VWF: variants seen among roughly 807,000 people sequenced by gnomAD.
VWF encodes Factor VIII related antigen.
A neutral mutation model predicts 308.6 loss-of-function variants in VWF; 176 were observed. The observed-to-expected ratio is 0.57, with a 90% CI of 0.50 to 0.65. VWF has a LOEUF of 0.65. Ranked by LOEUF, VWF falls within the 30% of genes least tolerant of loss-of-function variation. The pLI, the probability that VWF is intolerant of heterozygous loss-of-function variation, is 0.00. For missense variants in VWF, 3,146 were observed against 3,648.2 expected, an observed-to-expected ratio of 0.86 and a Z score of 3.55; for synonymous variants, 1,385 against 1,443.4, an observed-to-expected ratio of 0.96 and a Z score of 0.92.
chr12:6,118,677 G>A (rs986999780), intron 3 of VWF, among the ~76,000 whole-genome samples: 3 of 152,018 alleles, frequency 2.0e-5, no homozygotes, highest in Non-Finnish European at 4.4e-5. Context: ...ATGAGCCATT[G>A]CACCCGTGCA....
In VWF at chr12:6,019,175, C is replaced by A. The variant is rs1400741237; in HGVS notation, c.4243G>T (p.Gly1415Cys). Residue 1415 changes from glycine to cysteine, a missense_variant, in exon 28 of 52, where the codon GGC becomes TGC. Physicochemically the swap from Gly to Cys is radical, Grantham distance 159. Transcript: ENST00000261405. This position sits in a 1 kb window ranked among gnomAD's most constrained non-coding sequence, Gnocchi z 5.8. ...TTGAGGTTGGCATGGGGCCCAATGC[C>A]CACCGGGATCACAATGACCTTCTTC... Reference protein sequence around the residue: ...KKKKVIVIPVGIGPHANLKQI... With the variant: ...KKKKVIVIPVCIGPHANLKQI... 35 of 1,613,844 alleles carry A rather than the reference C, an allele frequency of 2.2e-5. No individual in the cohort carries two copies. The highest frequency in any genetic ancestry group is 2.7e-5 in the African/African-American group (2 of 74,900).
intron 5 of VWF, among the ~76,000 whole-genome samples, chr12:6,106,139 A>C (rs1463590773): frequency 6.6e-6 from 1 of 152,240 alleles, no homozygotes; most frequent in African/African-American, 2.4e-5. Context: ...ACGTGGAAGC[A>C]ATCTAAGTGT....
intron 47 of VWF, among the ~76,000 whole-genome samples, chr12:5,954,557 C>G (rs1943227350): frequency 6.6e-6 from 1 of 152,140 alleles, no homozygotes; most frequent in Non-Finnish European, 1.5e-5. Flanking sequence ...TTGTATCTGC[C>G]TGAGGACTCA....
rs530769338 is a variant in VWF, at chr12:6,037,915, G to T, written c.2443-1424C>A. ...GAGCATGTGTGTGTTGGGGCGGTTG[G>T]GGGGAGGGAAATAGGAAGAATCCTC... is the stretch of plus-strand genomic sequence containing the variant. On this transcript the variant is annotated intron_variant, in intron 18 of 51. Transcript: ENST00000261405. Among the ~76,000 whole-genome samples the T allele has an allele frequency of 2.2e-4, 34 of 152,310 alleles. No individual in the cohort carries two copies. In the South Asian group the frequency reaches 3.9e-3, roughly 18 times the overall value.
At position 6,095,453 on chromosome 12, in the gene VWF, C is replaced by T. The variant is rs759510338; in HGVS notation, c.657+7G>A. The T allele has an allele frequency of 4.5e-5, 72 of 1,614,108 alleles. No individual in the cohort carries two copies. The highest frequency in any genetic ancestry group is 1.7e-4 in the Admixed American group (10 of 60,024). ...ATCCAGGTGCACCCAGGCCAGTCCA[C>T]ACCCACCTTCTGCATTTCCCCAGAG... On this transcript the variant is annotated splice_region_variant and intron_variant, in intron 6 of 51. Coordinates refer to ENST00000261405, the MANE Select transcript of VWF (RefSeq NM_000552.5).
intron 3 of VWF, among the ~76,000 whole-genome samples, chr12:6,112,827 G>GACACACAC (rs58457258): frequency 4.2e-4 from 61 of 145,154 alleles, no homozygotes; most frequent in African/African-American, 1.3e-3. Context: ...CAGACACACA[G>GACACACAC]ACACACACAC....
chr12:6,094,508 G>C (rs7957672), intron 6 of VWF, among the ~76,000 whole-genome samples: 15,206 of 152,178 alleles, frequency 0.1, 1,625 homozygotes, highest in African/African-American at 0.27. Context: ...GGGCACTGGA[G>C]TCTAAAACAG....
At chr12:6,012,220 G>C (rs1401670045) in intron 32 of VWF, 90 bp from the exon 33 acceptor site, 2 of 1,381,932 alleles carry the variant, frequency 1.4e-6, no homozygotes, top group African/African-American at 1.5e-5. Context: ...ACCTGGTCTA[G>C]TTTTTGAAGT....
intron 17 of VWF, among the ~76,000 whole-genome samples, chr12:6,045,202 A>G (rs1245152258): frequency 6.6e-6 from 1 of 152,242 alleles, no homozygotes; most frequent in Non-Finnish European, 1.5e-5. Flanking sequence ...TAATACTGAC[A>G]GCAGATGACT....
At chr12:5,985,795 A>G in intron 38 of VWF, 130 bp from the exon 39 acceptor site, 1 of 847,544 alleles carries the variant, frequency 1.2e-6, no homozygotes, top group South Asian at 1.4e-5. Flanking sequence ...AGAGCCTCAC[A>G]GGCAAACAAA....
At chr12:5,980,987 T>C (rs1943598793) in intron 42 of VWF, among the ~76,000 whole-genome samples, 1 of 152,266 alleles carries the variant, frequency 6.6e-6, no homozygotes, top group African/African-American at 2.4e-5. Flanking sequence ...ATAAGACTGC[T>C]GTTTGTAATG....
chr12:6,093,388 C>T (rs1273875382), intron 6 of VWF, among the ~76,000 whole-genome samples: 3 of 152,182 alleles, frequency 2.0e-5, no homozygotes, highest in African/African-American at 7.2e-5. Context: ...AGGGGCCACT[C>T]CACCTTCCAG....
At chr12:5,971,775 G>A in intron 43 of VWF, 66 bp from the exon 44 acceptor site, 4 of 1,373,862 alleles carry the variant, frequency 2.9e-6, no homozygotes, top group Admixed American at 1.7e-5. Flanking sequence ...TCTTACCTAC[G>A]CCTCCTGCGT....
Position 6,052,582 on chromosome 12 carries a change from A to G in VWF, c.2147T>C (p.Phe716Ser). 6.2e-7 allele frequency: 1 copy of G among 1,614,248 alleles called. No individual in the cohort carries two copies. Among genetic ancestry groups the G allele is most frequent in the Non-Finnish European group, 8.5e-7 (1 of 1,180,046 alleles). The change falls in exon 16 of 52, where the codon TTC (phenylalanine) becomes TCC (serine). Residue 716 changes from phenylalanine (F) to serine (S), a missense_variant. Phe to Ser is a radical substitution (Grantham distance 155). Coordinates refer to ENST00000261405, the MANE Select transcript of VWF (RefSeq NM_000552.5). ...GTCTGAGAAGATGTCTTCTGGCTGG[A>G]AGATCTCACCGTCATAGTAACAGGG... ...QCPCYYDGEI[F>S]QPEDIFSDHH...
At chr12:6,036,012 G>T (rs764394545) in intron 19 of VWF, among the ~76,000 whole-genome samples, 2 of 152,190 alleles carry the variant, frequency 1.3e-5, no homozygotes, top group African/African-American at 4.8e-5. Context: ...CTCAGGCAAC[G>T]TGTATAAGGT....
intron 3 of VWF, among the ~76,000 whole-genome samples, chr12:6,111,458 T>C (rs1591924940): frequency 1.3e-5 from 2 of 152,170 alleles, no homozygotes; most frequent in South Asian, 4.1e-4. Flanking sequence ...CTGCAGTTTC[T>C]GCCTCCTGGG....
intron 18 of VWF, 62 bp from the exon 19 acceptor site, chr12:6,036,553 G>T: frequency 6.7e-7 from 1 of 1,481,954 alleles, no homozygotes; most frequent in Non-Finnish European, 9.4e-7. Context: ...CCCTCCTCCA[G>T]CCCGCTCCAG....
chr12:6,097,376 A>G lies in VWF; in HGVS notation c.533-1792T>C, dbSNP rs149001114. Among the ~76,000 whole-genome samples, 135 of 152,226 alleles carry G rather than the reference A, an allele frequency of 8.9e-4. No homozygotes were observed. In the South Asian group the frequency reaches 0.012, roughly 13 times the overall value. On this transcript the variant is annotated intron_variant, in intron 5 of 51. Coordinates refer to ENST00000261405, the MANE Select transcript of VWF (RefSeq NM_000552.5). ...TGCTTGAACCTGGAAGGCGAAGACT[A>G]CAGTGAGCCGAGAATGCACCACTGC...
chr12:6,081,332 G>GT (rs150420125), intron 6 of VWF, among the ~76,000 whole-genome samples: 12,678 of 149,906 alleles, frequency 0.085, 1,139 homozygotes, highest in African/African-American at 0.23. Flanking sequence ...GGCCAGTGGT[G>GT]TTTTTTGTTT....
Sources: allele counts gnomAD v4.1 joint callset (sites outside exome capture counted in the v4.1 genomes callset), GRCh38; gene constraint gnomAD v4.1.1; non-coding constraint Gnocchi (gnomAD v3.1); transcripts MANE v1.5; gene names NCBI Gene and HGNC (gene_info 2026-07-23, HGNC 2026-07-21).